The following ARHGEF12 variants were observed in gnomAD, a reference collection of about 807,000 sequenced individuals.
The protein encoded by ARHGEF12 is KMT2A/ARHGEF12 fusion protein.
Under a neutral mutation model 211.2 loss-of-function variants are expected in ARHGEF12, and 66 were observed. That is an observed-to-expected ratio of 0.31 (90% CI 0.26 to 0.38). The LOEUF is 0.38. ARHGEF12 is among the 10% of genes least tolerant of loss of function. The pLI, the probability that ARHGEF12 is intolerant of heterozygous loss-of-function variation, is 1.00. For missense variants in ARHGEF12, 1,429 were observed against 1,869.5 expected (o/e 0.76, Z 4.34); for synonymous variants, 592 against 638.4 (o/e 0.93, Z 1.09).
chr11:120,406,412 A>T (rs1344748736), intron 2 of ARHGEF12, among the ~76,000 whole-genome samples: 2 of 152,162 alleles, frequency 1.3e-5, no homozygotes, highest in Non-Finnish European at 2.9e-5. Flanking sequence ...TTTGAAGTCT[A>T]TTTGTGACTG....
intron 2 of ARHGEF12, among the ~76,000 whole-genome samples, chr11:120,407,112 T>C (rs938062668): frequency 6.6e-6 from 1 of 152,228 alleles, no homozygotes. Flanking sequence ...ACCTTGGCAT[T>C]TCAGTGAATA....
chr11:120,428,133 C>A lies in ARHGEF12; in HGVS notation c.471C>A (p.Ala157=). The change falls in exon 8 of 41, where the codon GCC becomes GCA. Residue 157 remains alanine (A), a synonymous_variant. Transcript: ENST00000397843. ...RPPGSPQIPL[A]DSEVEPSVIG... ...CTGGGTCGCCCCAGATTCCACTTGC[C>A]GACTCTGAAGTAGAGCCGTCAGTCA... is the stretch of plus-strand genomic sequence containing the variant. 6.2e-7 allele frequency: 1 copy of A among 1,608,904 alleles called. No homozygotes were observed. The highest frequency in any genetic ancestry group is 8.5e-7 in the Non-Finnish European group (1 of 1,177,810).
intron 30 of ARHGEF12, 56 bp from the exon 31 acceptor site, chr11:120,472,994 G>C (rs1048603571): frequency 6.7e-7 from 1 of 1,497,224 alleles, no homozygotes; most frequent in African/African-American, 1.4e-5. Flanking sequence ...TTCAGAAATA[G>C]AGAGGTCATT....
At chr11:120,437,482 T>A in intron 12 of ARHGEF12, 100 bp downstream of exon 12, 1 of 799,472 alleles carries the variant, frequency 1.3e-6, no homozygotes, top group Non-Finnish European at 1.8e-6. Flanking sequence ...TTATTTTTTA[T>A]TTTTTGGAAA....
intron 4 of ARHGEF12, chr11:120,411,490 T>G (rs2135597406): frequency 6.6e-6 from 1 of 151,926 alleles, no homozygotes; most frequent in Non-Finnish European, 1.5e-5. Flanking sequence ...CTTTAGAGAT[T>G]ATACATTGCT....
chr11:120,447,270 T>C (rs1376191781), intron 18 of ARHGEF12, 185 bp downstream of exon 18: 1 of 576,250 alleles, frequency 1.7e-6, no homozygotes. Context: ...AAATTTCTTG[T>C]GTTCCTTTTT....
chr11:120,347,330 C>T (rs1216809528), intron 1 of ARHGEF12, among the ~76,000 whole-genome samples: 1 of 147,860 alleles, frequency 6.8e-6, no homozygotes, highest in Non-Finnish European at 1.5e-5. Flanking sequence ...TAATTAACCT[C>T]TGGAAAAAAT....
chr11:120,484,140 C>T (rs548359974), intron 39 of ARHGEF12, among the ~76,000 whole-genome samples: 60 of 152,318 alleles, frequency 3.9e-4, no homozygotes, highest in African/African-American at 1.4e-3. Flanking sequence ...CACATGATGA[C>T]GGGACCATGT....
intron 1 of ARHGEF12, among the ~76,000 whole-genome samples, chr11:120,371,840 A>G (rs547287063): frequency 1.1e-4 from 16 of 152,348 alleles, no homozygotes; most frequent in Admixed American, 9.8e-4. Context: ...TTAAAAAAAT[A>G]CTGTCCACCA....
intron 1 of ARHGEF12, among the ~76,000 whole-genome samples, chr11:120,398,794 T>C (rs937253442): frequency 5.9e-5 from 9 of 152,214 alleles, no homozygotes; most frequent in African/African-American, 2.2e-4. Context: ...GAAGGTGTTA[T>C]ATAGAAGATT....
At chr11:120,413,980 A>G (rs142972749) in intron 4 of ARHGEF12, among the ~76,000 whole-genome samples, 1 of 152,218 alleles carries the variant, frequency 6.6e-6, no homozygotes, top group Non-Finnish European at 1.5e-5. Flanking sequence ...TTTCAGGAAC[A>G]GTTATAGAAT....
In ARHGEF12 at chr11:120,465,449, T is replaced by C. The variant is rs1489361164; in HGVS notation, c.2739+87T>C. The C allele has an allele frequency of 2.6e-5, 40 of 1,536,696 alleles. No homozygotes were observed. In the East Asian group the frequency reaches 7.0e-4, roughly 27 times the overall value. ...ACTGGGGGAATTCTGACTAAGACTT[T>C]TACAAAGATTACATCTGTGTTAACT... On this transcript the variant is annotated intron_variant, in intron 28 of 40. Coordinates refer to ENST00000397843, the MANE Select transcript of ARHGEF12 (RefSeq NM_015313.3).
At chr11:120,483,443 A>T (rs1435226526) in intron 39 of ARHGEF12, among the ~76,000 whole-genome samples, 9 of 113,400 alleles carry the variant, frequency 7.9e-5, no homozygotes, top group African/African-American at 6.5e-5. Flanking sequence ...TTTTTTTTTT[A>T]AATGGAGTCT....
chr11:120,435,512 C>CTTTTTTTTTTTTT (rs61516865), intron 11 of ARHGEF12, among the ~76,000 whole-genome samples: 1 of 106,276 alleles, frequency 9.4e-6, no homozygotes, highest in Non-Finnish European at 1.9e-5. Flanking sequence ...CCCTGTCAAG[C>CTTTTTTTTTTTTT]TTTTTTTTTT....
chr11:120,426,000 C>A (rs1945335352), intron 7 of ARHGEF12, among the ~76,000 whole-genome samples: 1 of 151,982 alleles, frequency 6.6e-6, no homozygotes, highest in African/African-American at 2.4e-5. Flanking sequence ...TTTTCTTGGC[C>A]TTTTTACTGC....
chr11:120,351,439 ATATATATATATATATATTTT>A (rs1393716458), intron 1 of ARHGEF12, among the ~76,000 whole-genome samples: 132 of 4,110 alleles, frequency 0.032, 8 homozygotes, highest in Non-Finnish European at 0.038. Context: ...ATATATATAT[ATATATATATATATATATTTT>A]TTTTTTTTTT....
chr11:120,481,294 G>T lies in ARHGEF12; in HGVS notation c.4272G>T (p.Val1424=), dbSNP rs765378373. 6.2e-7 allele frequency: 1 copy of T among 1,614,072 alleles called. No homozygotes were observed. The highest frequency in any genetic ancestry group is 8.5e-7 in the Non-Finnish European group (1 of 1,180,036). The change falls in exon 39 of 41, where the codon GTG becomes GTT. Residue 1424 remains valine, a synonymous_variant. Coordinates refer to ENST00000397843, the MANE Select transcript of ARHGEF12 (RefSeq NM_015313.3). ...TGATCCTTGATGGCTATGACCCAGT[G>T]CAGGAGAGTTCCACAGATGAGGAGG... is the stretch of plus-strand genomic sequence containing the variant. The part of the protein sequence containing the change: ...NYLILDGYDP[V]QESSTDEEVA...
chr11:120,435,335 T>C (rs576657554), intron 11 of ARHGEF12, among the ~76,000 whole-genome samples: 2 of 152,246 alleles, frequency 1.3e-5, no homozygotes, highest in East Asian at 3.9e-4. Context: ...TAGTTAAATC[T>C]ACAAGTCTTG....
At position 120,457,722 on chromosome 11, in the gene ARHGEF12, G is replaced by T. The variant is rs759885937; in HGVS notation, c.2191G>T (p.Val731Leu). 6.2e-7 allele frequency: 1 copy of T among 1,606,470 alleles called. No individual in the cohort carries two copies. The highest frequency in any genetic ancestry group is 8.5e-7 in the Non-Finnish European group (1 of 1,176,458). ...ACTCTTTACTTTCCATTGTTTTAGG[G>T]TGACTGAACATGGGACACCAAAGCC... is the stretch of plus-strand genomic sequence containing the variant. ...VQEEECEVER[V>L]TEHGTPKPFR... The change falls in exon 24 of 41, where the codon GTG (valine) becomes TTG (leucine). Residue 731 changes from valine to leucine, a missense_variant and splice_region_variant. Val to Leu is a conservative substitution (Grantham distance 32). Around this residue, in one of 7 missense-constraint regions of ARHGEF12, gnomAD observed 373 missense variants for 467.5 expected, o/e 0.80. Transcript: ENST00000397843.
Sources: allele counts gnomAD v4.1 joint callset (sites outside exome capture counted in the v4.1 genomes callset), GRCh38; gene constraint gnomAD v4.1.1; regional missense constraint gnomAD v4.1.1; transcripts MANE v1.5; gene names NCBI Gene and HGNC (gene_info 2026-07-23, HGNC 2026-07-21).